The following ANK3 variants were observed in gnomAD, a reference collection of about 807,000 sequenced individuals.
The protein encoded by ANK3 is ankyrin 3, also known as ankyrin-3.
Under a neutral mutation model 370.9 loss-of-function variants are expected in ANK3, and 57 were observed. The ratio of observed to expected loss-of-function variants is 0.15; its 90% CI spans 0.12 to 0.19. The LOEUF is 0.19. ANK3 is among the 10% of genes least tolerant of loss of function. The pLI is 1.00. For synonymous variants in ANK3, 1,929 were observed against 1,946.3 expected, an observed-to-expected ratio of 0.99 and a Z score of 0.23; for missense variants, 4,439 against 5,302.1, an observed-to-expected ratio of 0.84 and a Z score of 5.06.
chr10:60,203,868 C>A (rs2096721502), intron 11 of ANK3, among the ~76,000 whole-genome samples: 1 of 152,128 alleles, frequency 6.6e-6, no homozygotes, highest in Non-Finnish European at 1.5e-5. Flanking sequence ...ATAAAAATCT[C>A]AAGTCATTAA....
chr10:60,437,011 A>AT (rs1374772261), intron 2 of ANK3, among the ~76,000 whole-genome samples: 1 of 152,214 alleles, frequency 6.6e-6, no homozygotes, highest in African/African-American at 2.4e-5. Context: ...ACAGGACCCC[A>AT]TGTAGCCTTC....
chr10:60,341,478 A>T (rs79644767), intron 1 of ANK3, among the ~76,000 whole-genome samples: 27,903 of 152,154 alleles, frequency 0.18, 3,084 homozygotes, highest in South Asian at 0.3. Flanking sequence ...ATTAATTGAT[A>T]TAAGTAGATA....
chr10:60,151,650 A>G (rs2095122021), intron 23 of ANK3, among the ~76,000 whole-genome samples: 1 of 152,206 alleles, frequency 6.6e-6, no homozygotes, highest in Non-Finnish European at 1.5e-5. Flanking sequence ...AGCCTGCAGA[A>G]CTGTGAGCCA....
chr10:60,276,974 A>T (rs2098100321), intron 4 of ANK3, among the ~76,000 whole-genome samples: 1 of 152,200 alleles, frequency 6.6e-6, no homozygotes. Context: ...GTTGCTATTC[A>T]ATTTTACATC....
chr10:60,575,733 T>C (rs2077674684), intron 2 of ANK3, among the ~76,000 whole-genome samples: 1 of 152,164 alleles, frequency 6.6e-6, no homozygotes, highest in Non-Finnish European at 1.5e-5. Context: ...TCAATAGTAA[T>C]TTAATTTCTA....
intron 42 of ANK3, chr10:60,051,739 T>C (rs979657396): frequency 1.7e-5 from 3 of 171,756 alleles, no homozygotes; most frequent in Non-Finnish European, 3.3e-5. Flanking sequence ...AAAATTTAAG[T>C]GGAAGAAAAT....
At chr10:60,384,044 C>T (rs371924966) in intron 1 of ANK3, among the ~76,000 whole-genome samples, 1 of 152,140 alleles carries the variant, frequency 6.6e-6, no homozygotes, top group Admixed American at 6.6e-5. Context: ...AGCCTAGGTC[C>T]ACCAATCACT....
At chr10:60,257,841 A>T (rs942236010) in intron 7 of ANK3, among the ~76,000 whole-genome samples, 1 of 152,204 alleles carries the variant, frequency 6.6e-6, no homozygotes, top group Non-Finnish European at 1.5e-5. Flanking sequence ...TCAGAGATCA[A>T]AACAGAAAGT....
intron 1 of ANK3, among the ~76,000 whole-genome samples, chr10:60,346,443 C>T (rs1303573480): frequency 6.6e-6 from 1 of 151,810 alleles, no homozygotes; most frequent in East Asian, 1.9e-4. Context: ...AATAGGCATA[C>T]AAAAAAGTAC....
chr10:60,226,564 C>CA (rs1270449943), intron 8 of ANK3, among the ~76,000 whole-genome samples: 2 of 25,856 alleles, frequency 7.7e-5, no homozygotes, highest in Non-Finnish European at 1.4e-4. Context: ...AGTATATATA[C>CA]ATAGTATATG....
At chr10:60,292,717 T>TC (rs2041700634) in intron 1 of ANK3, among the ~76,000 whole-genome samples, 1 of 150,846 alleles carries the variant, frequency 6.6e-6, no homozygotes, top group South Asian at 2.1e-4. Context: ...TTCTTTCTTT[T>TC]TTTTTTTTTT....
intron 42 of ANK3, among the ~76,000 whole-genome samples, chr10:60,048,818 C>G (rs2077370869): frequency 6.6e-6 from 1 of 152,214 alleles, no homozygotes; most frequent in Non-Finnish European, 1.5e-5. Flanking sequence ...CTGCTGCTGT[C>G]TGGCTGTGTG....
chr10:60,301,209 A>C (rs554897729), intron 1 of ANK3, among the ~76,000 whole-genome samples: 1 of 147,706 alleles, frequency 6.8e-6, no homozygotes, highest in Non-Finnish European at 1.5e-5. Context: ...TATATATACT[A>C]TATATGTATG....
At position 60,574,557 on chromosome 10, in the gene ANK3, C is replaced by T. The variant is rs74995796; in HGVS notation, c.96+40629G>A. On this transcript the variant is annotated intron_variant, in intron 2 of 43. Coordinates refer to the ANK3 transcript ENST00000373827. ...ATATAAAAGGCAGAACATCTCAAGA[C>T]GGCAAAATAAACCTTTCAAGTTCTT... 4.6e-4 allele frequency among the ~76,000 whole-genome samples: 70 copies of T among 152,290 alleles called. No homozygotes were observed. In the East Asian group the frequency reaches 8.3e-3, roughly 18 times the overall value.
intron 2 of ANK3, among the ~76,000 whole-genome samples, chr10:60,557,640 T>G (rs771294000): frequency 1.3e-5 from 2 of 152,144 alleles, no homozygotes; most frequent in Non-Finnish European, 2.9e-5. Flanking sequence ...TATTTTGCAA[T>G]ATAATATATA....
At position 60,075,820 on chromosome 10, in the gene ANK3, A is replaced by G. The variant is rs141929486; in HGVS notation, c.5061T>C (p.Asp1687=). Residue 1687 remains aspartate (D), a synonymous_variant, in exon 37 of 44, where the codon GAT becomes GAC. Coordinates refer to ENST00000280772, the MANE Select transcript of ANK3 (RefSeq NM_020987.5). ...TTGTAATTTTGGCTGATGAAATGAC[A>G]TCAACTGCTGATTTAACTGGAGACA... is the stretch of plus-strand genomic sequence containing the variant. ...SVVSPVKSAV[D]VISSAKITMA... The G allele has an allele frequency of 4.0e-5, 64 of 1,614,064 alleles. No homozygotes were observed. The highest frequency in any genetic ancestry group is 1.6e-4 in the Middle Eastern group (1 of 6,084).
intron 2 of ANK3, among the ~76,000 whole-genome samples, chr10:60,507,106 A>G (rs1174801750): frequency 1.3e-5 from 2 of 152,096 alleles, no homozygotes; most frequent in East Asian, 3.9e-4. Flanking sequence ...CATTACACAA[A>G]TATATACATA....
chr10:60,205,918 T>G (rs750925685), intron 10 of ANK3, 28 bp from the exon 11 acceptor site: 1 of 1,396,058 alleles, frequency 7.2e-7, no homozygotes, highest in Admixed American at 1.7e-5. Context: ...ATATACCTGC[T>G]TGACTACATT....
At chr10:60,332,786 C>T in intron 1 of ANK3, among the ~76,000 whole-genome samples, 1 of 152,130 alleles carries the variant, frequency 6.6e-6, no homozygotes, top group East Asian at 1.9e-4. Flanking sequence ...GAAATTGCTG[C>T]TATGTGGTTT....
Sources: gnomAD v4.1 joint callset for allele counts (sites outside exome capture counted in the v4.1 genomes callset) on GRCh38, gnomAD v4.1.1 for gene constraint, MANE v1.5 for transcripts, NCBI Gene and HGNC (gene_info 2026-07-23, HGNC 2026-07-21) for gene names.